The following MICALL1 variants were observed in gnomAD, a reference collection of about 807,000 sequenced individuals.
MICALL1 encodes the protein MICAL like 1.
In MICALL1, 61 loss-of-function variants were observed where a neutral mutation model predicts 83.7. The ratio of observed to expected loss-of-function variants is 0.73; its 90% CI spans 0.59 to 0.90. MICALL1 has a LOEUF of 0.90. Among genes scored for constraint, MICALL1 ranks in the 40% least tolerant of loss-of-function variants. The pLI, the probability that MICALL1 is intolerant of heterozygous loss-of-function variation, is 0.00. For synonymous variants in MICALL1, 481 were observed against 473.6 expected (o/e 1.02, Z -0.20); for missense variants, 1,066 against 1,152.0 (o/e 0.93, Z 1.08).
chr22:37,913,051 T>C lies in MICALL1; in HGVS notation c.337+559T>C, dbSNP rs930403029. ...GATCTTGTCTCACTGCAACCTCCGCTTCCTGAGTTTAAGCAATTCTCCTGT... is the reference window on the plus strand; with the variant it reads ...GATCTTGTCTCACTGCAACCTCCGCCTCCTGAGTTTAAGCAATTCTCCTGT... On this transcript the variant is annotated intron_variant, in intron 3 of 15. Transcript: ENST00000215957. Among the ~76,000 whole-genome samples, 3 of 151,706 alleles carry C rather than the reference T, an allele frequency of 2.0e-5. No homozygotes were observed. In the South Asian group the frequency reaches 6.3e-4, roughly 32 times the overall value.
At position 37,925,653 on chromosome 22, in the gene MICALL1, T is replaced by G; in HGVS notation, c.1083-8T>G. 6.4e-7 allele frequency: 1 copy of G among 1,555,404 alleles called. No individual in the cohort carries two copies. Among genetic ancestry groups the G allele is most frequent in the Non-Finnish European group, 8.7e-7 (1 of 1,146,662 alleles). On this transcript the variant is annotated splice_region_variant and splice_polypyrimidine_tract_variant and intron_variant, in intron 7 of 15. Coordinates refer to ENST00000215957, the MANE Select transcript of MICALL1 (RefSeq NM_033386.4). Reference sequence around the variant, plus strand: ...CTAATGGTTTCTGCTGCTTCCCCCCTCCTCCAGGACACCAGCCCCCAGGAA... The same window carrying G: ...CTAATGGTTTCTGCTGCTTCCCCCCGCCTCCAGGACACCAGCCCCCAGGAA...
At position 37,932,978 on chromosome 22, in the gene MICALL1, C is replaced by G; in HGVS notation, c.2235-61C>G. The G allele has an allele frequency of 6.2e-7, 1 of 1,611,544 alleles. No homozygotes were observed. Among genetic ancestry groups the G allele is most frequent in the Non-Finnish European group, 8.5e-7 (1 of 1,177,700 alleles). On this transcript the variant is annotated intron_variant, in intron 12 of 15. Transcript: ENST00000215957. This position sits in a 1 kb window ranked among gnomAD's most constrained non-coding sequence, Gnocchi z 4.4. ...CCCTCTTCCCTCATCAGTAACAGCG[C>G]AGGGCAGGGCAGCCGGGGCTCGGGC...
intron 7 of MICALL1, among the ~76,000 whole-genome samples, chr22:37,925,459 T>C (rs952299830): frequency 2.6e-5 from 4 of 152,184 alleles, no homozygotes; most frequent in Admixed American, 6.5e-5. Context: ...GCTCTGTGAC[T>C]TGAAGGTTCA....
At chr22:37,936,813 AC>A (rs1250757192) in intron 13 of MICALL1, among the ~76,000 whole-genome samples, 1 of 151,492 alleles carries the variant, frequency 6.6e-6, no homozygotes, top group Admixed American at 6.6e-5. Context: ...AATGGCGTGA[AC>A]CCGGGAGGCG....
chr22:37,911,963 C>G lies in MICALL1; in HGVS notation c.158C>G (p.Ser53Trp). The G allele has an allele frequency of 1.9e-6, 3 of 1,614,180 alleles. No homozygotes were observed. The highest frequency in any genetic ancestry group is 2.5e-6 in the Non-Finnish European group (3 of 1,180,028). ...TTTGCCTCTTGCAGAGATTTTGATT[C>G]GCTTTCCAAGGACAATGTCTTCGAG... is the stretch of plus-strand genomic sequence containing the variant. ...RHRPDLLDFD[S>W]LSKDNVFENN... Residue 53 changes from serine to tryptophan, a missense_variant, in exon 2 of 16, where the codon TCG (serine) becomes TGG (tryptophan). Transcript: ENST00000215957.
chr22:37,927,995 C>T (rs527354601), intron 9 of MICALL1, among the ~76,000 whole-genome samples, 169 bp downstream of exon 9: 1 of 152,244 alleles, frequency 6.6e-6, no homozygotes, highest in East Asian at 1.9e-4. Flanking sequence ...GCAAGCTCTG[C>T]CTCCTGGGTT....
intron 4 of MICALL1, among the ~76,000 whole-genome samples, chr22:37,918,239 C>T (rs559078057): frequency 6.6e-6 from 1 of 152,278 alleles, no homozygotes; most frequent in African/African-American, 2.4e-5. Flanking sequence ...CATTATGGGC[C>T]CTGGTATACA....
intron 5 of MICALL1, among the ~76,000 whole-genome samples, chr22:37,920,622 TAA>T (rs879301264): frequency 3.5e-4 from 49 of 139,356 alleles, no homozygotes; most frequent in African/African-American, 1.1e-3. Flanking sequence ...ACAAAAAAAT[TAA>T]AAAAAAAAAA....
chr22:37,914,301 A>G, intron 3 of MICALL1, among the ~76,000 whole-genome samples: 1 of 150,292 alleles, frequency 6.7e-6, no homozygotes. Context: ...GTCTCAGCTC[A>G]CTGCAACCTC....
intron 8 of MICALL1, among the ~76,000 whole-genome samples, chr22:37,926,356 C>T (rs1371758065): frequency 6.6e-5 from 10 of 152,288 alleles, no homozygotes; most frequent in South Asian, 2.1e-4. Flanking sequence ...GCTCGTTAAA[C>T]GTGCTGTCTA....
intron 15 of MICALL1, among the ~76,000 whole-genome samples, chr22:37,939,280 AG>A (rs1236324625): frequency 2.0e-5 from 3 of 152,162 alleles, no homozygotes; most frequent in Admixed American, 2.0e-4. Flanking sequence ...GGGATTACTG[AG>A]ATAATGTGTA....
chr22:37,926,008 G>T lies in MICALL1; in HGVS notation c.1430G>T (p.Arg477Leu). 1 of 1,612,596 alleles carries T rather than the reference G, an allele frequency of 6.2e-7. No individual in the cohort carries two copies. Among genetic ancestry groups the T allele is most frequent in the Non-Finnish European group, 8.5e-7 (1 of 1,179,416 alleles). ...ACCAGCAGCCCCAAGACAAAGAAGC[G>T]CCCTGCCCCGCGCGCACCCAGCGCG... ...TPTSSPKTKK[R>L]PAPRAPSASP... is the part of the protein sequence containing the mutation. Residue 477 changes from arginine to leucine, a missense_variant, in exon 8 of 16, where the codon CGC becomes CTC. Arg to Leu is a moderately radical substitution (Grantham distance 102, BLOSUM62 -2). Transcript: ENST00000215957.
chr22:37,906,601 C>T lies in MICALL1; in HGVS notation c.146+33C>T. 1 of 1,105,746 alleles carries T rather than the reference C, an allele frequency of 9.0e-7. No individual in the cohort carries two copies. The highest frequency in any genetic ancestry group is 1.1e-6 in the Non-Finnish European group (1 of 904,648). The allele number at this position is 1,105,746 out of a possible 1,614,324, so 68.5% of individuals were successfully genotyped here. A position where few individuals can be genotyped will look rare whatever the true frequency, so the allele number is the denominator to read the frequency against. ...CGGGGCCCCGGGCGAGCGGGCGGCGCGGGGCGGGCTGGGGCCGCGACCGCC... is the reference window on the plus strand; with the variant it reads ...CGGGGCCCCGGGCGAGCGGGCGGCGTGGGGCGGGCTGGGGCCGCGACCGCC... On this transcript the variant is annotated intron_variant, in intron 1 of 15. Coordinates refer to ENST00000215957, the MANE Select transcript of MICALL1 (RefSeq NM_033386.4). The surrounding 1 kb of genome is among the most constrained non-coding windows in gnomAD (Gnocchi z 4.4).
At chr22:37,935,195 G>A (rs1930039250) in intron 13 of MICALL1, among the ~76,000 whole-genome samples, 1 of 151,788 alleles carries the variant, frequency 6.6e-6, no homozygotes, top group Non-Finnish European at 1.5e-5. Flanking sequence ...GCCTCCCAAA[G>A]TGCTAGGATT....
chr22:37,918,867 C>A (rs1928840852), intron 4 of MICALL1, among the ~76,000 whole-genome samples, 169 bp from the exon 5 acceptor site: 1 of 152,254 alleles, frequency 6.6e-6, no homozygotes, highest in Non-Finnish European at 1.5e-5. Context: ...CAGTGGCAGC[C>A]TCCTGCCCTC....
intron 9 of MICALL1, among the ~76,000 whole-genome samples, chr22:37,931,515 C>T (rs946374655): frequency 1.3e-5 from 2 of 152,202 alleles, no homozygotes; most frequent in African/African-American, 4.8e-5. Flanking sequence ...ATGGTTATGC[C>T]ACAGCTGCAC....
Position 37,940,348 on chromosome 22 carries a change from G to A in MICALL1, c.2471-361G>A, listed in dbSNP as rs573448174. ...TGAGGCAGGAGAATCGCCTGAACCC[G>A]GGAGGCGGAGGTTGCAGTGGGCCAA... On this transcript the variant is annotated intron_variant, in intron 15 of 15. Coordinates refer to ENST00000215957, the MANE Select transcript of MICALL1 (RefSeq NM_033386.4). 9.3e-5 allele frequency among the ~76,000 whole-genome samples: 14 copies of A among 151,330 alleles called. No homozygotes were observed. In the South Asian group the frequency reaches 2.3e-3, roughly 25 times the overall value.
intron 2 of MICALL1, 50 bp downstream of exon 2, chr22:37,912,050 TG>T: frequency 6.3e-7 from 1 of 1,588,850 alleles, no homozygotes; most frequent in Non-Finnish European, 8.6e-7. Flanking sequence ...TATGTGTGTG[TG>T]TGTGTGTGTG....
intron 15 of MICALL1, among the ~76,000 whole-genome samples, chr22:37,938,702 A>T (rs1244247160): frequency 1.3e-5 from 2 of 150,780 alleles, no homozygotes; most frequent in Non-Finnish European, 3.0e-5. Context: ...AGCTCACTCA[A>T]CCTCCGCCTC....
Sources: gnomAD v4.1 joint callset for allele counts (sites outside exome capture counted in the v4.1 genomes callset) on GRCh38, gnomAD v4.1.1 for gene constraint, Gnocchi (gnomAD v3.1) non-coding constraint, MANE v1.5 for transcripts, NCBI Gene and HGNC (gene_info 2026-07-23, HGNC 2026-07-21) for gene names.